The following MSI2 variants were observed in gnomAD, a reference collection of about 807,000 sequenced individuals.
MSI2 encodes RNA-binding protein Musashi homolog 2.
A neutral mutation model predicts 45.6 loss-of-function variants in MSI2; 17 were observed. The ratio of observed to expected loss-of-function variants is 0.37; its 90% CI spans 0.26 to 0.56. The LOEUF is 0.56. MSI2 is among the 20% of genes least tolerant of loss of function. MSI2 has a pLI of 0.77. For missense variants in MSI2, 293 were observed against 444.2 expected (o/e 0.66, Z 3.06); for synonymous variants, 156 against 158.2 (o/e 0.99, Z 0.11).
intron 5 of MSI2, among the ~76,000 whole-genome samples, chr17:57,305,246 A>T (rs1911780561): frequency 6.6e-6 from 1 of 152,156 alleles, no homozygotes; most frequent in South Asian, 2.1e-4. Flanking sequence ...GCACCTTCTC[A>T]GGAGGAACCT....
At chr17:57,308,577 CT>C (rs1354066456) in intron 5 of MSI2, among the ~76,000 whole-genome samples, 1 of 152,200 alleles carries the variant, frequency 6.6e-6, no homozygotes, top group Non-Finnish European at 1.5e-5. Context: ...TGCTTTTCCC[CT>C]GACCTTGTCA....
intron 11 of MSI2, among the ~76,000 whole-genome samples, chr17:57,663,250 A>C (rs899569417): frequency 6.6e-6 from 1 of 152,308 alleles, no homozygotes; most frequent in East Asian, 1.9e-4. Flanking sequence ...ACCCGGTACC[A>C]TGGCAACCGC....
At chr17:57,613,255 C>G (rs1907343525) in intron 8 of MSI2, among the ~76,000 whole-genome samples, 1 of 152,094 alleles carries the variant, frequency 6.6e-6, no homozygotes, top group Non-Finnish European at 1.5e-5. Flanking sequence ...CAGTATTTTT[C>G]CCTATATGAT....
At chr17:57,335,161 C>T (rs1435998616) in intron 5 of MSI2, among the ~76,000 whole-genome samples, 2 of 151,972 alleles carry the variant, frequency 1.3e-5, no homozygotes, top group Non-Finnish European at 2.9e-5. Flanking sequence ...CGAACCCCAG[C>T]CCCCACCATC....
In MSI2 at chr17:57,596,786, G is replaced by A; in HGVS notation, c.455-82G>A. On this transcript the variant is annotated intron_variant, in intron 7 of 13. Transcript: ENST00000284073. This position sits in a 1 kb window ranked among gnomAD's most constrained non-coding sequence, Gnocchi z 4.6. ...GACCAGGAGGCTGTCAAGACCTCAGGACGTCAGAGAAAAACCTGGGCCTGC... is the reference window on the plus strand; with the variant it reads ...GACCAGGAGGCTGTCAAGACCTCAGAACGTCAGAGAAAAACCTGGGCCTGC... 1 of 933,978 alleles carries A rather than the reference G, an allele frequency of 1.1e-6. No individual in the cohort carries two copies. Among genetic ancestry groups the A allele is most frequent in the Non-Finnish European group, 1.7e-6 (1 of 572,190 alleles). 57.9% of individuals were successfully genotyped at this position (933,978 alleles called of 1,614,324 possible).
At chr17:57,462,975 C>T (rs1268975282) in intron 6 of MSI2, among the ~76,000 whole-genome samples, 8 of 152,248 alleles carry the variant, frequency 5.3e-5, no homozygotes, top group African/African-American at 1.9e-4. Context: ...GAGACTCCCG[C>T]TTGGATGTCA....
chr17:57,525,377 CA>C (rs916494467), intron 6 of MSI2, among the ~76,000 whole-genome samples: 1 of 152,164 alleles, frequency 6.6e-6, no homozygotes, highest in African/African-American at 2.4e-5. Flanking sequence ...CTCAACCTCC[CA>C]GGCTCAAGCA....
Position 57,627,093 on chromosome 17 carries a change from A to G in MSI2, c.653-136A>G. On this transcript the variant is annotated intron_variant, in intron 9 of 13. Coordinates refer to ENST00000284073, the MANE Select transcript of MSI2 (RefSeq NM_138962.4). This position sits in a 1 kb window ranked among gnomAD's most constrained non-coding sequence, Gnocchi z 4.6. ...GAGGTGACCCAGACCCTTAATAAAAAAACCCTCATGAGAGACAAATTATTC... is the reference window on the plus strand; with the variant it reads ...GAGGTGACCCAGACCCTTAATAAAAGAACCCTCATGAGAGACAAATTATTC... The G allele has an allele frequency of 1.2e-6, 1 of 815,312 alleles. No individual in the cohort carries two copies. Among genetic ancestry groups the G allele is most frequent in the Non-Finnish European group, 2.0e-6 (1 of 488,128 alleles). 50.5% of individuals were successfully genotyped at this position (815,312 alleles called of 1,614,324 possible).
rs569956134 is a variant in MSI2, at chr17:57,430,157, T to C, written c.405+28686T>C. ...GTTAGCGTGTGACCATGAGTACTAG[T>C]ACACAGTGCCCATTCATTGGAAATT... On this transcript the variant is annotated intron_variant, in intron 6 of 13. Transcript: ENST00000284073. Among the ~76,000 whole-genome samples, 24 of 152,300 alleles carry C rather than the reference T, an allele frequency of 1.6e-4. No individual in the cohort carries two copies. In the South Asian group the frequency reaches 4.6e-3, roughly 29 times the overall value.
At chr17:57,324,335 C>T (rs1011119812) in intron 5 of MSI2, among the ~76,000 whole-genome samples, 4 of 152,182 alleles carry the variant, frequency 2.6e-5, no homozygotes, top group Non-Finnish European at 4.4e-5. Context: ...GGTGGCTGCA[C>T]AGACAGGAGG....
At chr17:57,532,561 C>G (rs1012258633) in intron 7 of MSI2, among the ~76,000 whole-genome samples, 2 of 152,224 alleles carry the variant, frequency 1.3e-5, no homozygotes, top group African/African-American at 4.8e-5. Context: ...CATATCACAG[C>G]AGAGGCACAG....
intron 11 of MSI2, among the ~76,000 whole-genome samples, chr17:57,665,741 T>G (rs544826992): frequency 3.3e-5 from 5 of 152,306 alleles, no homozygotes; most frequent in African/African-American, 1.2e-4. Context: ...CTTTTAGGAC[T>G]GAGATCAGCT....
intron 5 of MSI2, among the ~76,000 whole-genome samples, chr17:57,348,995 C>G (rs114540514): frequency 0.017 from 2,632 of 152,280 alleles, 71 homozygotes; most frequent in African/African-American, 0.06. Flanking sequence ...AGCTTTATCT[C>G]TGGTTTAAGG....
chr17:57,548,880 T>C (rs1290866770), intron 7 of MSI2, among the ~76,000 whole-genome samples: 1 of 151,172 alleles, frequency 6.6e-6, no homozygotes, highest in Admixed American at 6.6e-5. Flanking sequence ...CCCTTACTTC[T>C]CACTGTTTGT....
chr17:57,498,510 A>G (rs996142555), intron 6 of MSI2, among the ~76,000 whole-genome samples: 6 of 152,194 alleles, frequency 3.9e-5, no homozygotes, highest in Admixed American at 1.3e-4. Context: ...GGTGGAGATC[A>G]TCTCTCCGAC....
At chr17:57,591,001 C>G (rs1275712059) in intron 7 of MSI2, among the ~76,000 whole-genome samples, 1 of 152,198 alleles carries the variant, frequency 6.6e-6, no homozygotes, top group African/African-American at 2.4e-5. Flanking sequence ...GGAGTGCCAG[C>G]CCTCACAGAC....
At chr17:57,619,694 A>G (rs1908101718) in intron 9 of MSI2, among the ~76,000 whole-genome samples, 1 of 152,024 alleles carries the variant, frequency 6.6e-6, no homozygotes, top group Admixed American at 6.6e-5. Context: ...TCCTGAGAGC[A>G]CCTACTGAGG....
intron 9 of MSI2, among the ~76,000 whole-genome samples, chr17:57,623,952 C>A (rs1003753269): frequency 6.6e-6 from 1 of 152,208 alleles, no homozygotes; most frequent in Non-Finnish European, 1.5e-5. Flanking sequence ...TAAGATCCCC[C>A]GCTCTGGCAG....
intron 5 of MSI2, among the ~76,000 whole-genome samples, chr17:57,336,700 T>C (rs62058052): frequency 1.8e-3 from 267 of 152,326 alleles, no homozygotes; most frequent in Non-Finnish European, 3.3e-3. Flanking sequence ...ATGGTTGTTA[T>C]AACATACAGT....
Sources: gnomAD v4.1 joint callset for allele counts (sites outside exome capture counted in the v4.1 genomes callset) on GRCh38, gnomAD v4.1.1 for gene constraint, Gnocchi (gnomAD v3.1) non-coding constraint, MANE v1.5 for transcripts, NCBI Gene and HGNC (gene_info 2026-07-23, HGNC 2026-07-21) for gene names.